SLC35F1: variants seen among roughly 807,000 people sequenced by gnomAD.
SLC35F1 encodes solute carrier family 35 member F1, also known as chromosome 6 open reading frame 169.
Under a neutral mutation model 48.7 loss-of-function variants are expected in SLC35F1, and 14 were observed. The observed-to-expected ratio is 0.29, with a 90% confidence interval of 0.19 to 0.45. SLC35F1 has a LOEUF of 0.45. SLC35F1 is among the 20% of genes least tolerant of loss of function. The probability of loss-of-function intolerance (pLI) is 1.00; values close to 1 mark genes in which losing one functional copy is unlikely to be tolerated. For missense variants in SLC35F1, 404 were observed against 500.0 expected, an observed-to-expected ratio of 0.81 and a Z score of 1.83; for synonymous variants, 190 against 202.2, an observed-to-expected ratio of 0.94 and a Z score of 0.51.
intron 1 of SLC35F1, among the ~76,000 whole-genome samples, chr6:118,047,910 A>G (rs1030073968): frequency 6.6e-6 from 1 of 152,162 alleles, no homozygotes; most frequent in Non-Finnish European, 1.5e-5. Context: ...CAGAACTTCC[A>G]ACACTATGTT....
intron 1 of SLC35F1, among the ~76,000 whole-genome samples, chr6:118,102,461 A>G (rs1562290847): frequency 6.6e-6 from 1 of 152,224 alleles, no homozygotes; most frequent in African/African-American, 2.4e-5. Context: ...GATTATAGGC[A>G]TAAGCCACTG....
At chr6:118,239,218 A>C (rs904698628) in intron 3 of SLC35F1, among the ~76,000 whole-genome samples, 3 of 149,102 alleles carry the variant, frequency 2.0e-5, no homozygotes, top group Non-Finnish European at 3.0e-5. Context: ...AATCTCTAGT[A>C]CCTAGAGGAA....
chr6:118,307,641 A>T (rs1776327202), intron 7 of SLC35F1, among the ~76,000 whole-genome samples: 1 of 152,192 alleles, frequency 6.6e-6, no homozygotes, highest in Non-Finnish European at 1.5e-5. Context: ...AATAAAAATG[A>T]TCTTGTTGGT....
rs545932047 is a variant in SLC35F1, at chr6:118,176,868, T to C, written c.349+22248T>C. Reference sequence around the variant, plus strand: ...CCACATTTTTATTTATAGTTTAAATTTGTGCTTGTTTTTTTTGTATACTCA... The same window carrying C: ...CCACATTTTTATTTATAGTTTAAATCTGTGCTTGTTTTTTTTGTATACTCA... On this transcript the variant is annotated intron_variant, in intron 2 of 7. Coordinates refer to ENST00000360388, the MANE Select transcript of SLC35F1 (RefSeq NM_001029858.4). Among the ~76,000 whole-genome samples, 44 of 146,362 alleles carry C rather than the reference T, an allele frequency of 3.0e-4. No individual in the cohort carries two copies. In the South Asian group the frequency reaches 8.1e-3, roughly 27 times the overall value.
chr6:117,916,324 T>C (rs988194889), intron 1 of SLC35F1, among the ~76,000 whole-genome samples: 2 of 152,242 alleles, frequency 1.3e-5, no homozygotes, highest in South Asian at 2.1e-4. Context: ...CACAAAAGTA[T>C]TGTCTTCTAT....
At chr6:118,027,911 CCTAT>C (rs1259184218) in intron 1 of SLC35F1, among the ~76,000 whole-genome samples, 1 of 152,026 alleles carries the variant, frequency 6.6e-6, no homozygotes, top group Non-Finnish European at 1.5e-5. Context: ...CTTTTTGTAT[CCTAT>C]CTAAGAGTTC....
intron 1 of SLC35F1, among the ~76,000 whole-genome samples, chr6:117,921,249 T>C (rs1231972411): frequency 6.6e-6 from 1 of 152,204 alleles, no homozygotes; most frequent in Non-Finnish European, 1.5e-5. Flanking sequence ...TCACACTGAA[T>C]TGATACCACC....
intron 3 of SLC35F1, 27 bp from the exon 4 acceptor site, chr6:118,266,968 G>T: frequency 6.2e-7 from 1 of 1,611,388 alleles, no homozygotes; most frequent in Non-Finnish European, 8.5e-7. Context: ...ATCTCCTGTT[G>T]TTGTTTACCT....
At chr6:118,240,512 A>G (rs1218962374) in intron 3 of SLC35F1, among the ~76,000 whole-genome samples, 3 of 152,234 alleles carry the variant, frequency 2.0e-5, no homozygotes, top group Non-Finnish European at 4.4e-5. Flanking sequence ...TTAGGTGGTG[A>G]ATGTATATGT....
chr6:117,955,169 A>T (rs1203225094), intron 1 of SLC35F1, among the ~76,000 whole-genome samples: 2 of 152,202 alleles, frequency 1.3e-5, no homozygotes, highest in African/African-American at 4.8e-5. Flanking sequence ...TCTATTATGG[A>T]TTAATTTGGC....
At chr6:117,924,512 A>T (rs1776001911) in intron 1 of SLC35F1, among the ~76,000 whole-genome samples, 1 of 85,238 alleles carries the variant, frequency 1.2e-5, no homozygotes, top group Non-Finnish European at 2.5e-5. Context: ...ATACGTATAT[A>T]CATATATATA....
At chr6:118,046,191 C>T (rs574170575) in intron 1 of SLC35F1, among the ~76,000 whole-genome samples, 1 of 152,244 alleles carries the variant, frequency 6.6e-6, no homozygotes, top group Admixed American at 6.5e-5. Context: ...TAAATGAATA[C>T]CTTTTCATAT....
chr6:118,308,978 C>G (rs1013664308), intron 7 of SLC35F1, among the ~76,000 whole-genome samples: 1 of 152,172 alleles, frequency 6.6e-6, no homozygotes, highest in African/African-American at 2.4e-5. Flanking sequence ...GCTTCCTCCA[C>G]TCATCATAGA....
At chr6:118,283,524 T>C (rs1461444109) in intron 6 of SLC35F1, among the ~76,000 whole-genome samples, 4 of 152,148 alleles carry the variant, frequency 2.6e-5, no homozygotes, top group Admixed American at 2.6e-4. Context: ...TGGAAGGGTA[T>C]TATTCTGGAA....
chr6:118,304,057 A>G (rs549052977), intron 7 of SLC35F1, among the ~76,000 whole-genome samples: 1 of 152,306 alleles, frequency 6.6e-6, no homozygotes, highest in African/African-American at 2.4e-5. Flanking sequence ...CTTTTGGTGG[A>G]CTATTTTTCA....
At chr6:117,918,660 A>T (rs1172326733) in intron 1 of SLC35F1, among the ~76,000 whole-genome samples, 1 of 152,154 alleles carries the variant, frequency 6.6e-6, no homozygotes, top group Non-Finnish European at 1.5e-5. Flanking sequence ...TAAAGTTGAC[A>T]TTTGTGGTGG....
At chr6:118,272,669 G>C (rs193043974) in intron 4 of SLC35F1, among the ~76,000 whole-genome samples, 18 of 150,012 alleles carry the variant, frequency 1.2e-4, no homozygotes, top group Admixed American at 1.2e-3. Flanking sequence ...TAATTTTATA[G>C]TAAAGGGTTG....
At chr6:118,277,092 T>C (rs986055225) in intron 5 of SLC35F1, among the ~76,000 whole-genome samples, 1 of 152,206 alleles carries the variant, frequency 6.6e-6, no homozygotes, top group Non-Finnish European at 1.5e-5. Context: ...TTGGCTGTCA[T>C]GTACATTTAA....
chr6:117,927,648 G>A (rs2114809232), intron 1 of SLC35F1, among the ~76,000 whole-genome samples: 1 of 152,274 alleles, frequency 6.6e-6, no homozygotes, highest in Non-Finnish European at 1.5e-5. Flanking sequence ...AGGGACTTCT[G>A]TTTGTTTTTC....
Sources: allele counts gnomAD v4.1 joint callset (sites outside exome capture counted in the v4.1 genomes callset), GRCh38; gene constraint gnomAD v4.1.1; transcripts MANE v1.5; gene names NCBI Gene and HGNC (gene_info 2026-07-23, HGNC 2026-07-21).